The following TPM2 variants were observed in gnomAD, a reference collection of about 807,000 sequenced individuals.
TPM2 encodes the protein tropomyosin beta chain.
A neutral mutation model predicts 41.0 loss-of-function variants in TPM2; 26 were observed. That is an observed-to-expected ratio of 0.63 (90% confidence interval 0.46 to 0.88). The LOEUF is 0.88. Ranked by LOEUF, TPM2 falls within the 40% of genes least tolerant of loss-of-function variation. The pLI is 0.00. For missense variants in TPM2, 187 were observed against 355.2 expected, an observed-to-expected ratio of 0.53 and a Z score of 3.81; for synonymous variants, 143 against 139.3, an observed-to-expected ratio of 1.03 and a Z score of -0.19.
chr9:35,683,053 T>G lies in TPM2; in HGVS notation c.*106A>C. On this transcript the variant is annotated 3_prime_UTR_variant, in exon 9 of 9. Coordinates refer to ENST00000645482, the MANE Select transcript of TPM2 (RefSeq NM_003289.4). ...CTCCCTAGGCTGCTCCCAGCCTGGCTGTGCAATGTTGGCAATTTCTGCTCC... is the reference window on the plus strand; with the variant it reads ...CTCCCTAGGCTGCTCCCAGCCTGGCGGTGCAATGTTGGCAATTTCTGCTCC... The G allele has an allele frequency of 6.4e-7, 1 of 1,550,958 alleles. No individual in the cohort carries two copies. The highest frequency in any genetic ancestry group is 8.7e-7 in the Non-Finnish European group (1 of 1,146,780).
chr9:35,687,309 T>A (rs182116470), intron 2 of TPM2, among the ~76,000 whole-genome samples: 1 of 151,952 alleles, frequency 6.6e-6, no homozygotes, highest in African/African-American at 2.4e-5. Context: ...GTTTGGGAAA[T>A]TGTAAAATAA....
intron 1 of TPM2, 127 bp from the exon 2 acceptor site, chr9:35,689,398 G>A (rs1043108837): frequency 1.3e-6 from 2 of 1,496,488 alleles, no homozygotes; most frequent in Non-Finnish European, 1.8e-6. Context: ...AACATAAAAG[G>A]GACAGTACAG....
intron 6 of TPM2, 21 bp downstream of exon 6, chr9:35,684,711 T>G (rs1468082653): frequency 1.2e-6 from 2 of 1,614,080 alleles, no homozygotes; most frequent in Admixed American, 3.3e-5. Context: ...CCATCCTCAC[T>G]GCCCCTCTGC....
chr9:35,683,313 A>G (rs2131846504), intron 8 of TPM2, 72 bp from the exon 9 acceptor site: 1 of 1,413,362 alleles, frequency 7.1e-7, no homozygotes, highest in Middle Eastern at 1.7e-4. Context: ...GAAAGGAAGG[A>G]GAGAGAGCAA....
chr9:35,689,895 C>G lies in TPM2; in HGVS notation c.-78G>C. ...GGCTGGGTGAGCGGACTGGGTGCAC[C>G]GGTGGCAGGCGAGGAGGACGGAGCG... On this transcript the variant is annotated 5_prime_UTR_variant, in exon 1 of 9. Coordinates refer to ENST00000645482, the MANE Select transcript of TPM2 (RefSeq NM_003289.4). 6.2e-7 allele frequency: 1 copy of G among 1,606,224 alleles called. No homozygotes were observed. Among genetic ancestry groups the G allele is most frequent in the Admixed American group, 1.7e-5 (1 of 59,866 alleles).
chr9:35,682,735 C>G (rs1258154222), downstream of TPM2: 2 of 1,317,840 alleles, frequency 1.5e-6, no homozygotes, highest in African/African-American at 1.5e-5. Flanking sequence ...CACACGTGCC[C>G]ACATGCAGTG....
Position 35,685,436 on chromosome 9 carries a change from C to T in TPM2, c.490G>A (p.Glu164Lys). 6.2e-7 allele frequency: 1 copy of T among 1,614,228 alleles called. No homozygotes were observed. The highest frequency in any genetic ancestry group is 8.5e-7 in the Non-Finnish European group (1 of 1,180,032). The change falls in exon 4 of 9, where the codon GAG (glutamate) becomes AAG (lysine). Residue 164 changes from glutamate to lysine, a missense_variant and splice_region_variant. Transcript: ENST00000645482. The surrounding 1 kb of genome is among the most constrained non-coding windows in gnomAD (Gnocchi z 5.0). Reference sequence around the variant, plus strand: ...AGGCAGAGGGGCAAGGCTGTCACCTCTTCATATTTGCGGTCTGAATCCTCA... The same window carrying T: ...AGGCAGAGGGGCAAGGCTGTCACCTTTTCATATTTGCGGTCTGAATCCTCA... ...IAEDSDRKYE[E>K]VARKLVILEG...
At chr9:35,687,784 T>A (rs890862336) in intron 2 of TPM2, among the ~76,000 whole-genome samples, 1 of 151,848 alleles carries the variant, frequency 6.6e-6, no homozygotes, top group Non-Finnish European at 1.5e-5. Context: ...GACAAAAGAC[T>A]CTGGAAAGTT....
chr9:35,684,644 G>C, intron 6 of TPM2, 88 bp downstream of exon 6: 1 of 1,612,966 alleles, frequency 6.2e-7, no homozygotes. Context: ...TCTTGCCTCC[G>C]TTGAACACCC....
intron 5 of TPM2, 117 bp from the exon 6 acceptor site, chr9:35,684,924 T>TGACA: frequency 6.2e-7 from 1 of 1,608,788 alleles, no homozygotes; most frequent in Non-Finnish European, 8.5e-7. Flanking sequence ...GTTGTGAGAG[T>TGACA]GACAGCAGGC....
At chr9:35,682,685 T>C, downstream of TPM2, 1 of 1,312,128 alleles carries the variant, frequency 7.6e-7, no homozygotes, top group South Asian at 1.2e-5. Context: ...TGCTCTGAGG[T>C]CAGGGATTGG....
In TPM2 at chr9:35,685,893, C is replaced by G; in HGVS notation, c.241-113G>C. The G allele has an allele frequency of 6.5e-7, 1 of 1,537,988 alleles. No homozygotes were observed. The highest frequency in any genetic ancestry group is 8.9e-7 in the Non-Finnish European group (1 of 1,120,652). ...AGAAAGAACTGAGGCTTCCTGGTTT[C>G]TAGACATTCTATGTGATTTTTCCCC... is the stretch of plus-strand genomic sequence containing the variant. On this transcript the variant is annotated intron_variant, in intron 2 of 8. Transcript: ENST00000645482. The surrounding 1 kb of genome is among the most constrained non-coding windows in gnomAD (Gnocchi z 5.0).
At chr9:35,689,933 C>G, upstream of TPM2, 1 of 1,587,896 alleles carries the variant, frequency 6.3e-7, no homozygotes, top group Non-Finnish European at 8.5e-7. Context: ...ACTGGGACGT[C>G]CCGGCCACGC....
intron 2 of TPM2, among the ~76,000 whole-genome samples, chr9:35,687,073 C>T (rs1262724344): frequency 1.3e-5 from 2 of 152,214 alleles, no homozygotes; most frequent in African/African-American, 4.8e-5. Flanking sequence ...TTTCCTCCTT[C>T]ACAAGTTGGA....
intron 8 of TPM2, 37 bp from the exon 9 acceptor site, chr9:35,683,278 T>C: frequency 6.5e-7 from 1 of 1,535,608 alleles, no homozygotes; most frequent in Non-Finnish European, 8.8e-7. Flanking sequence ...GGTGGGAGTG[T>C]GGGAAAGGGA....
chr9:35,685,893 C>T lies in TPM2; in HGVS notation c.241-113G>A, dbSNP rs975227266. 2.6e-6 allele frequency: 4 copies of T among 1,537,870 alleles called. No individual in the cohort carries two copies. In the African/African-American group the frequency reaches 5.5e-5, roughly 21 times the overall value. On this transcript the variant is annotated intron_variant, in intron 2 of 8. Coordinates refer to ENST00000645482, the MANE Select transcript of TPM2 (RefSeq NM_003289.4). This position sits in a 1 kb window ranked among gnomAD's most constrained non-coding sequence, Gnocchi z 5.0. ...AGAAAGAACTGAGGCTTCCTGGTTT[C>T]TAGACATTCTATGTGATTTTTCCCC...
In TPM2 at chr9:35,685,135, C is replaced by G. The variant is rs1211424814; in HGVS notation, c.563+134G>C. The G allele has an allele frequency of 6.2e-7, 1 of 1,614,026 alleles. No individual in the cohort carries two copies. On this transcript the variant is annotated intron_variant, in intron 5 of 8. Transcript: ENST00000645482. This position sits in a 1 kb window ranked among gnomAD's most constrained non-coding sequence, Gnocchi z 5.0. Reference sequence around the variant, plus strand: ...CGAAGTTCCTCCTCCAGCTGTCTGGCTCGGCTGGGGGCAGCGGGCAGGGGT... The same window carrying G: ...CGAAGTTCCTCCTCCAGCTGTCTGGGTCGGCTGGGGGCAGCGGGCAGGGGT...
downstream of TPM2, chr9:35,682,157 A>C: frequency 6.2e-7 from 1 of 1,614,182 alleles, no homozygotes; most frequent in Non-Finnish European, 8.5e-7. Context: ...GGCACTGGCC[A>C]AGGTCTCTGT....
Position 35,684,465 on chromosome 9 carries a change from G to A in TPM2, c.702+23C>T, listed in dbSNP as rs139769734. ...GATTAGGGTGGCTTGAGGGGAGACT[G>A]GGAACTGGAAGAGGACTCTCACCTC... On this transcript the variant is annotated intron_variant, in intron 7 of 8. Coordinates refer to ENST00000645482, the MANE Select transcript of TPM2 (RefSeq NM_003289.4). 3,252 of 1,614,076 alleles carry A rather than the reference G, an allele frequency of 2.0e-3. 9 individuals carry two copies. Among genetic ancestry groups the A allele is most frequent in the Non-Finnish European group, 2.4e-3 (2,836 of 1,179,956 alleles).
Sources: gnomAD v4.1 joint callset for allele counts (sites outside exome capture counted in the v4.1 genomes callset) on GRCh38, gnomAD v4.1.1 for gene constraint, Gnocchi (gnomAD v3.1) non-coding constraint, MANE v1.5 for transcripts, NCBI Gene and HGNC (gene_info 2026-07-23, HGNC 2026-07-21) for gene names.